Variants in CNTNAP5 observed in about 807,000 individuals in gnomAD.
The protein encoded by CNTNAP5 is contactin associated protein family member 5.
In CNTNAP5, 72 loss-of-function variants were observed where a neutral mutation model predicts 150.2. The ratio of observed to expected loss-of-function variants is 0.48; its 90% CI spans 0.40 to 0.58. CNTNAP5 has a LOEUF of 0.58. CNTNAP5 is among the 20% of genes least tolerant of loss of function. The probability of loss-of-function intolerance (pLI) is 0.00; values close to 1 mark genes in which losing one functional copy is unlikely to be tolerated. For synonymous variants in CNTNAP5, 672 were observed against 619.8 expected (o/e 1.08, Z -1.25); for missense variants, 1,636 against 1,626.2 (o/e 1.01, Z -0.10).
intron 19 of CNTNAP5, among the ~76,000 whole-genome samples, chr2:124,812,149 A>ATATATAATTTATATTTATATATTATATT (rs1558785635): frequency 4.4e-5 from 4 of 90,908 alleles, no homozygotes; most frequent in African/African-American, 1.0e-4. Context: ...TATATTATAT[A>ATATATAATTTATATTTATATATTATATT]ATATATAAAT....
intron 12 of CNTNAP5, among the ~76,000 whole-genome samples, chr2:124,613,154 A>G (rs1252151620): frequency 6.6e-6 from 1 of 152,260 alleles, no homozygotes; most frequent in Non-Finnish European, 1.5e-5. Context: ...TCTGATACAT[A>G]CATGTAATGA....
intron 3 of CNTNAP5, among the ~76,000 whole-genome samples, chr2:124,250,835 T>C (rs1258432159): frequency 2.0e-5 from 3 of 151,344 alleles, no homozygotes; most frequent in Non-Finnish European, 2.9e-5. Context: ...AAAGCAGGCT[T>C]CATTGAAGTT....
chr2:124,802,289 A>AT (rs1247266580), intron 19 of CNTNAP5, among the ~76,000 whole-genome samples: 1 of 152,226 alleles, frequency 6.6e-6, no homozygotes, highest in Non-Finnish European at 1.5e-5. Context: ...AGTCATGGTT[A>AT]TAAGTCTCTC....
chr2:124,060,357 G>A (rs1681974505), intron 1 of CNTNAP5, among the ~76,000 whole-genome samples: 1 of 152,162 alleles, frequency 6.6e-6, no homozygotes. Flanking sequence ...AGCTGGAGGT[G>A]GCAACTTACC....
At chr2:124,517,126 A>T (rs149554707) in intron 8 of CNTNAP5, among the ~76,000 whole-genome samples, 31 of 152,046 alleles carry the variant, frequency 2.0e-4, no homozygotes, top group Admixed American at 7.2e-4. Flanking sequence ...GGTATTGGTG[A>T]TGGAGTGCTG....
intron 13 of CNTNAP5, among the ~76,000 whole-genome samples, chr2:124,674,369 CTCCT>C (rs1366411284): frequency 2.1e-5 from 3 of 139,574 alleles, no homozygotes; most frequent in African/African-American, 8.0e-5. Context: ...CCCTCCCTCC[CTCCT>C]TCCCTCCCTC....
At chr2:124,296,163 C>T (rs1172750472) in intron 3 of CNTNAP5, among the ~76,000 whole-genome samples, 2 of 151,726 alleles carry the variant, frequency 1.3e-5, no homozygotes, top group Admixed American at 6.6e-5. Flanking sequence ...ACTTTTTTTT[C>T]ATGCAATGTG....
At chr2:124,742,439 T>C (rs1028555314) in intron 13 of CNTNAP5, among the ~76,000 whole-genome samples, 19 of 152,054 alleles carry the variant, frequency 1.2e-4, no homozygotes, top group African/African-American at 4.6e-4. Context: ...CCTTGAAACT[T>C]GGGGTAGGGA....
At chr2:124,347,608 C>T (rs1035188809) in intron 3 of CNTNAP5, among the ~76,000 whole-genome samples, 1 of 152,148 alleles carries the variant, frequency 6.6e-6, no homozygotes, top group Non-Finnish European at 1.5e-5. Context: ...CCTATGATCC[C>T]TGTCTATTGA....
chr2:124,713,301 CTTCTT>C lies in CNTNAP5; in HGVS notation c.2078-33926_2078-33922del, dbSNP rs1170652195. ...TCTTTCTTTCTTTCTTTCTTTCTTT[CTTCTT>C]TCTCTTTCTTTCCTTTCTTTCTTTC... On this transcript the variant is annotated intron_variant, in intron 13 of 23. Coordinates refer to ENST00000682447, the MANE Select transcript of CNTNAP5 (RefSeq NM_001367498.1). Among the ~76,000 whole-genome samples, 195 of 76,954 alleles carry C rather than the reference CTTCTT, an allele frequency of 2.5e-3. 6 individuals carry two copies. The highest frequency in any genetic ancestry group is 4.7e-3 in the Admixed American group (31 of 6,618). The allele number at this position is 76,954 out of a possible 152,430, so 50.5% of individuals were successfully genotyped here. A position where few individuals can be genotyped will look rare whatever the true frequency, so the allele number is the denominator to read the frequency against.
chr2:124,248,729 A>T (rs902556203), intron 3 of CNTNAP5, among the ~76,000 whole-genome samples: 2 of 152,218 alleles, frequency 1.3e-5, no homozygotes, highest in African/African-American at 2.4e-5. Flanking sequence ...ACACATTTAC[A>T]CATGTGGCAT....
At chr2:124,778,473 T>C (rs2104617612) in intron 17 of CNTNAP5, 1 of 153,026 alleles carries the variant, frequency 6.5e-6, no homozygotes, top group East Asian at 1.9e-4. Flanking sequence ...CCATGCACAG[T>C]GTGTCATCAT....
At chr2:124,799,697 T>C (rs1002672009) in intron 19 of CNTNAP5, among the ~76,000 whole-genome samples, 5 of 152,228 alleles carry the variant, frequency 3.3e-5, no homozygotes, top group African/African-American at 1.2e-4. Flanking sequence ...TTCATCTTGC[T>C]TTCCAGCTAT....
chr2:124,853,438 T>C (rs1209169576), intron 19 of CNTNAP5, among the ~76,000 whole-genome samples: 1 of 152,140 alleles, frequency 6.6e-6, no homozygotes, highest in Non-Finnish European at 1.5e-5. Context: ...TTCCCTACTT[T>C]TCAAAATGAT....
intron 1 of CNTNAP5, among the ~76,000 whole-genome samples, chr2:124,150,037 A>C (rs774480511): frequency 1.2e-4 from 19 of 152,194 alleles, no homozygotes; most frequent in Non-Finnish European, 2.4e-4. Context: ...AATCTGGAAC[A>C]ATGGTGAAGT....
intron 21 of CNTNAP5, among the ~76,000 whole-genome samples, chr2:124,902,172 C>T (rs1219495194): frequency 6.6e-6 from 1 of 152,088 alleles, no homozygotes; most frequent in African/African-American, 2.4e-5. Flanking sequence ...ATCTTACCAC[C>T]AATCTTGAAG....
rs897479016 is a variant in CNTNAP5 at position 124,680,768 on chromosome 2, G to C, written c.2077+32810G>C. 4.0e-5 allele frequency: 6 copies of C among 151,870 alleles called. No individual in the cohort carries two copies. In the East Asian group the frequency reaches 9.7e-4, roughly 24 times the overall value. 9.4% of individuals were successfully genotyped at this position (151,870 alleles called of 1,614,324 possible). ...TTCTTGGTCTGTACATATAAACATT[G>C]TTGTAAGGATGATGCTAATGATGAA... On this transcript the variant is annotated intron_variant, in intron 13 of 23. Transcript: ENST00000682447.
intron 1 of CNTNAP5, among the ~76,000 whole-genome samples, chr2:124,127,113 T>C (rs2104594784): frequency 6.6e-6 from 1 of 152,262 alleles, no homozygotes; most frequent in Admixed American, 6.5e-5. Flanking sequence ...AAAGAAGCAG[T>C]CAAATTGTCC....
At chr2:124,146,065 G>A (rs535820018) in intron 1 of CNTNAP5, among the ~76,000 whole-genome samples, 219 of 152,230 alleles carry the variant, frequency 1.4e-3, no homozygotes, top group African/African-American at 5.1e-3. Flanking sequence ...ACTTAAAGCA[G>A]ATAGGACAAA....
Sources: gnomAD v4.1 joint callset for allele counts (sites outside exome capture counted in the v4.1 genomes callset) on GRCh38, gnomAD v4.1.1 for gene constraint, MANE v1.5 for transcripts, NCBI Gene and HGNC (gene_info 2026-07-23, HGNC 2026-07-21) for gene names.